CDO1: variants seen among roughly 807,000 people sequenced by gnomAD.
CDO1 encodes cysteine dioxygenase, type I.
Under a neutral mutation model 24.5 loss-of-function variants are expected in CDO1, and 19 were observed. That is an observed-to-expected ratio of 0.77 (90% CI 0.54 to 1.14). CDO1 has a LOEUF of 1.14. CDO1 is among the 50% of genes most tolerant of loss of function. CDO1 has a pLI of 0.00. For missense variants in CDO1, 244 were observed against 244.8 expected, an observed-to-expected ratio of 1.00 and a Z score of 0.02; for synonymous variants, 91 against 87.0, an observed-to-expected ratio of 1.05 and a Z score of -0.26.
intron 4 of CDO1, among the ~76,000 whole-genome samples, chr5:115,805,736 C>T (rs1759919323): frequency 6.6e-6 from 1 of 152,226 alleles, no homozygotes; most frequent in Non-Finnish European, 1.5e-5. Context: ...CATTTTCACA[C>T]ATTGTCTATT....
intron 3 of CDO1, among the ~76,000 whole-genome samples, chr5:115,810,639 A>G (rs1760146807): frequency 6.6e-6 from 1 of 152,248 alleles, no homozygotes; most frequent in Admixed American, 6.5e-5. Context: ...TCTCTTGAAA[A>G]GTATTTGGCT....
chr5:115,806,015 A>G (rs1759930775), intron 4 of CDO1, among the ~76,000 whole-genome samples: 1 of 152,260 alleles, frequency 6.6e-6, no homozygotes, highest in Admixed American at 6.5e-5. Flanking sequence ...TAATTATGCA[A>G]CTTATCCCTG....
At chr5:115,809,680 C>T (rs1760103751) in intron 3 of CDO1, 1 of 152,228 alleles carries the variant, frequency 6.6e-6, no homozygotes, top group Admixed American at 6.5e-5. Context: ...CTATCCATCT[C>T]CACCCCTACT....
chr5:115,813,470 T>C (rs1284795850), intron 1 of CDO1, among the ~76,000 whole-genome samples: 1 of 152,194 alleles, frequency 6.6e-6, no homozygotes, highest in Admixed American at 6.5e-5. Flanking sequence ...CAGAGGTAGC[T>C]GCTCAGTTTT....
chr5:115,805,325 A>C lies in CDO1; in HGVS notation c.*108T>G. On this transcript the variant is annotated 3_prime_UTR_variant, in exon 5 of 5. Coordinates refer to ENST00000250535, the MANE Select transcript of CDO1 (RefSeq NM_001801.3). ...CATCTGCCTTACAGTAGATCTAAGT[A>C]TTGGCTTATTTAAGTATATTACTGG... 7 of 911,260 alleles carry C rather than the reference A, an allele frequency of 7.7e-6. No individual in the cohort carries two copies. Among genetic ancestry groups the C allele is most frequent in the Non-Finnish European group, 1.0e-5 (6 of 574,644 alleles). 56.4% of individuals were successfully genotyped at this position (911,260 alleles called of 1,614,324 possible). A position where few individuals can be genotyped will look rare whatever the true frequency, so the allele number is the denominator to read the frequency against.
rs1297361804 is a variant in CDO1, at chr5:115,804,910, T to C, written c.*523A>G. 2 of 152,298 alleles carry C rather than the reference T, an allele frequency of 1.3e-5. No homozygotes were observed. Among genetic ancestry groups the C allele is most frequent in the East Asian group, 1.9e-4 (1 of 5,196 alleles). 9.4% of individuals were successfully genotyped at this position (152,298 alleles called of 1,614,324 possible). On this transcript the variant is annotated 3_prime_UTR_variant, in exon 5 of 5. Transcript: ENST00000250535. Reference sequence around the variant, plus strand: ...TTAACAAATGGCAGAGTGCCGTAAGTTCCTCTATTATTCATAGAAAAGAAA... The same window carrying C: ...TTAACAAATGGCAGAGTGCCGTAAGCTCCTCTATTATTCATAGAAAAGAAA...
intron 2 of CDO1, among the ~76,000 whole-genome samples, chr5:115,812,525 G>T (rs1027443566): frequency 6.6e-6 from 1 of 152,096 alleles, no homozygotes; most frequent in Non-Finnish European, 1.5e-5. Flanking sequence ...TTGGTCCCAC[G>T]ATTGTTTACA....
intron 3 of CDO1, among the ~76,000 whole-genome samples, chr5:115,807,970 G>GT (rs1554060173): frequency 5.5e-5 from 8 of 145,956 alleles, no homozygotes; most frequent in African/African-American, 1.1e-4. Context: ...ATGGGACCAG[G>GT]TTTTTTTAAA....
At chr5:115,809,248 G>T (rs937289231) in intron 3 of CDO1, among the ~76,000 whole-genome samples, 3 of 151,984 alleles carry the variant, frequency 2.0e-5, no homozygotes, top group Non-Finnish European at 4.4e-5. Context: ...ATTATATTTT[G>T]ATCTTTGCTT....
intron 4 of CDO1, 56 bp downstream of exon 4, chr5:115,806,293 G>A (rs1054509971): frequency 1.8e-5 from 21 of 1,168,722 alleles, no homozygotes; most frequent in Admixed American, 7.7e-5. Flanking sequence ...TTGCATACAT[G>A]CAGTGTAACA....
chr5:115,810,545 ACTAT>A (rs1470696551), intron 3 of CDO1, among the ~76,000 whole-genome samples: 4 of 152,160 alleles, frequency 2.6e-5, no homozygotes, highest in East Asian at 3.8e-4. Flanking sequence ...GGAATAAAAA[ACTAT>A]CTATCTGTCT....
chr5:115,814,374 C>T (rs1760332602), intron 1 of CDO1: 1 of 152,244 alleles, frequency 6.6e-6, no homozygotes, highest in South Asian at 2.1e-4. Flanking sequence ...TTCTCTGCAG[C>T]TTCTTTCAAA....
At chr5:115,814,927 A>T (rs1760363078) in intron 1 of CDO1, among the ~76,000 whole-genome samples, 1 of 152,202 alleles carries the variant, frequency 6.6e-6, no homozygotes, top group African/African-American at 2.4e-5. Context: ...AAGAAAATTT[A>T]AAAGCTAGAC....
At chr5:115,807,696 C>T (rs757818116) in intron 3 of CDO1, among the ~76,000 whole-genome samples, 1 of 149,132 alleles carries the variant, frequency 6.7e-6, no homozygotes, top group Non-Finnish European at 1.5e-5. Context: ...AAAAGAGGAA[C>T]AGTTCAAGAG....
chr5:115,805,821 A>G (rs776826403), intron 4 of CDO1, among the ~76,000 whole-genome samples: 1 of 152,212 alleles, frequency 6.6e-6, no homozygotes, highest in Non-Finnish European at 1.5e-5. Context: ...CTGCCCTGCT[A>G]TATTAGTGTT....
intron 3 of CDO1, among the ~76,000 whole-genome samples, chr5:115,808,705 T>C (rs1760057797): frequency 6.6e-6 from 1 of 151,436 alleles, no homozygotes; most frequent in Admixed American, 6.6e-5. Context: ...TTCAAGAAGA[T>C]TAAACACACA....
At chr5:115,813,434 C>G (rs1760285451) in intron 1 of CDO1, among the ~76,000 whole-genome samples, 176 bp from the exon 2 acceptor site, 1 of 152,104 alleles carries the variant, frequency 6.6e-6, no homozygotes, top group African/African-American at 2.4e-5. Context: ...TCCTTTTTCA[C>G]AGTTCATTTT....
intron 3 of CDO1, among the ~76,000 whole-genome samples, chr5:115,807,568 C>A (rs1216979110): frequency 6.7e-6 from 1 of 150,158 alleles, no homozygotes; most frequent in Non-Finnish European, 1.5e-5. Flanking sequence ...TAAAAGGGAC[C>A]ATAAAACAAA....
At chr5:115,812,864 A>C (rs1356657821) in intron 2 of CDO1, among the ~76,000 whole-genome samples, 2 of 151,966 alleles carry the variant, frequency 1.3e-5, no homozygotes, top group African/African-American at 2.4e-5. Flanking sequence ...CCTAACCAAC[A>C]TGGTGAAACC....
Sources: allele counts gnomAD v4.1 joint callset (sites outside exome capture counted in the v4.1 genomes callset), GRCh38; gene constraint gnomAD v4.1.1; transcripts MANE v1.5; gene names NCBI Gene and HGNC (gene_info 2026-07-23, HGNC 2026-07-21).